Variants in PDE1C observed in about 807,000 individuals in gnomAD.
The protein encoded by PDE1C is phosphodiesterase 1C, also known as dual specificity calcium/calmodulin-dependent 3',5'-cyclic nucleotide phosphodiesterase 1C.
In PDE1C, 62 loss-of-function variants were observed where a neutral mutation model predicts 93.1. The ratio of observed to expected loss-of-function variants is 0.67; its 90% confidence interval spans 0.54 to 0.82. The LOEUF (loss-of-function observed/expected upper bound fraction) is 0.82. Ranked by LOEUF, PDE1C falls within the 40% of genes least tolerant of loss-of-function variation. PDE1C has a pLI of 0.00. For missense variants in PDE1C, 742 were observed against 884.6 expected (o/e 0.84, Z 2.04); for synonymous variants, 325 against 310.1 (o/e 1.05, Z -0.50).
chr7:31,846,530 A>G (rs1792626921), intron 9 of PDE1C, among the ~76,000 whole-genome samples: 1 of 152,128 alleles, frequency 6.6e-6, no homozygotes, highest in Admixed American at 6.6e-5. Context: ...AAAACCCTAG[A>G]AGAAAACCTA....
the PDE1C span, among the ~76,000 whole-genome samples, chr7:31,711,370 A>G: frequency 6.6e-6 from 1 of 152,194 alleles, no homozygotes; most frequent in Non-Finnish European, 1.5e-5. Context: ...TTCCCATTTC[A>G]TCTCATTTGA....
At chr7:32,043,130 T>A (rs1792071713) in intron 2 of PDE1C, among the ~76,000 whole-genome samples, 1 of 152,186 alleles carries the variant, frequency 6.6e-6, no homozygotes, top group Non-Finnish European at 1.5e-5. Flanking sequence ...CCAGGGATAC[T>A]GCCAAACATC....
chr7:31,702,158 T>G, the PDE1C span, among the ~76,000 whole-genome samples: 1 of 152,198 alleles, frequency 6.6e-6, no homozygotes, highest in Non-Finnish European at 1.5e-5. Context: ...TATGGGAAAT[T>G]CTGCCTTAGA....
At chr7:32,413,335 T>C (rs969872088) in intron 1 of PDE1C, among the ~76,000 whole-genome samples, 2 of 152,248 alleles carry the variant, frequency 1.3e-5, no homozygotes, top group Non-Finnish European at 1.5e-5. Flanking sequence ...GAGTGTTTAC[T>C]ATAAAATTCT....
chr7:31,694,387 A>AACACACACACACACACACACACAC, the PDE1C span, among the ~76,000 whole-genome samples: 1,352 of 141,582 alleles, frequency 9.5e-3, 16 homozygotes, highest in African/African-American at 0.011. Flanking sequence ...CTCTCTCTCA[A>AACACACACACACACACACACACAC]ACACACACAC....
At chr7:31,904,811 TGTCA>T (rs1800392511) in intron 2 of PDE1C, among the ~76,000 whole-genome samples, 1 of 152,194 alleles carries the variant, frequency 6.6e-6, no homozygotes, top group Non-Finnish European at 1.5e-5. Context: ...TTGGATCCTC[TGTCA>T]ATCAACCATA....
intron 1 of PDE1C, among the ~76,000 whole-genome samples, chr7:32,350,560 A>T (rs1192198154): frequency 0.05 from 41 of 814 alleles, 17 homozygotes; most frequent in Admixed American, 0.23. Context: ...ATATATATAT[A>T]TATATATATA....
At chr7:32,277,549 C>A (rs985417840) in intron 1 of PDE1C, among the ~76,000 whole-genome samples, 1 of 152,178 alleles carries the variant, frequency 6.6e-6, no homozygotes, top group African/African-American at 2.4e-5. Context: ...TGATCATAGT[C>A]TAATACTAGA....
intron 14 of PDE1C, 35 bp from the exon 15 acceptor site, chr7:31,816,189 A>C (rs755196621): frequency 6.3e-7 from 1 of 1,588,152 alleles, no homozygotes; most frequent in Admixed American, 1.7e-5. Flanking sequence ...GCCACAGAAA[A>C]GAGAAAAAGA....
chr7:32,078,472 T>C (rs912094723), intron 3 of PDE1C, among the ~76,000 whole-genome samples: 4 of 151,932 alleles, frequency 2.6e-5, no homozygotes, highest in Non-Finnish European at 4.4e-5. Flanking sequence ...TCTTGGGGAA[T>C]TGGTAGAAGT....
At chr7:31,667,798 C>T in the PDE1C span, among the ~76,000 whole-genome samples, 1 of 151,456 alleles carries the variant, frequency 6.6e-6, no homozygotes, top group Non-Finnish European at 1.5e-5. Flanking sequence ...AGGTCTCAAT[C>T]AATAGAGGTT....
intron 1 of PDE1C, among the ~76,000 whole-genome samples, chr7:32,213,865 C>T (rs1174006822): frequency 6.6e-6 from 1 of 152,090 alleles, no homozygotes; most frequent in Non-Finnish European, 1.5e-5. Flanking sequence ...TGTATATAGG[C>T]ACAGAGGGAT....
At chr7:31,617,252 A>G in the PDE1C span, among the ~76,000 whole-genome samples, 1 of 82,246 alleles carries the variant, frequency 1.2e-5, no homozygotes, top group Non-Finnish European at 2.6e-5. Flanking sequence ...TAGAATGGAG[A>G]TAACAACAAT....
At position 32,358,752 on chromosome 7, in the gene PDE1C, A is replaced by C. The variant is rs1784077500; in HGVS notation, c.310+69070T>G. ...AGGTGAGGAAATTGAGACACAGGAAAGGTAAGTAATTTGCTCAGGATCATA... is the reference window on the plus strand; with the variant it reads ...AGGTGAGGAAATTGAGACACAGGAACGGTAAGTAATTTGCTCAGGATCATA... On this transcript the variant is annotated intron_variant, in intron 1 of 1. Coordinates refer to the PDE1C transcript ENST00000672256. Among the ~76,000 whole-genome samples the C allele has an allele frequency of 2.0e-5, 3 of 152,178 alleles. No individual in the cohort carries two copies. The South Asian group carries it at 6.2e-4, about 32-fold the overall frequency.
chr7:32,088,503 CGG>C (rs1563302569), intron 3 of PDE1C, among the ~76,000 whole-genome samples: 1 of 152,250 alleles, frequency 6.6e-6, no homozygotes, highest in East Asian at 1.9e-4. Flanking sequence ...TCCGCCAAGG[CGG>C]CCGGAGCCCT....
At chr7:31,647,334 G>C in the PDE1C span, among the ~76,000 whole-genome samples, 1 of 152,142 alleles carries the variant, frequency 6.6e-6, no homozygotes, top group South Asian at 2.1e-4. Flanking sequence ...CTTGGACCAA[G>C]TGAAGATTAT....
At chr7:32,206,278 G>A (rs1159770832) in intron 2 of PDE1C, among the ~76,000 whole-genome samples, 1 of 152,100 alleles carries the variant, frequency 6.6e-6, no homozygotes, top group Admixed American at 6.5e-5. Flanking sequence ...CAGAGGAGCA[G>A]GGGGAAAGGA....
the PDE1C span, among the ~76,000 whole-genome samples, chr7:31,657,396 T>G: frequency 8.5e-5 from 13 of 152,226 alleles, no homozygotes; most frequent in Admixed American, 1.3e-4. Flanking sequence ...AGAAATTTAT[T>G]TTTTAAATAA....
intron 3 of PDE1C, among the ~76,000 whole-genome samples, chr7:32,158,860 C>T (rs755062363): frequency 3.3e-5 from 5 of 152,324 alleles, no homozygotes; most frequent in Non-Finnish European, 5.9e-5. Flanking sequence ...AAACAAGGCC[C>T]TACATTACAT....
Sources: allele counts gnomAD v4.1 joint callset (sites outside exome capture counted in the v4.1 genomes callset), GRCh38; gene constraint gnomAD v4.1.1; transcripts MANE v1.5; gene names NCBI Gene and HGNC (gene_info 2026-07-23, HGNC 2026-07-21).